Variants in YAE1 observed in about 807,000 individuals in gnomAD.
The protein encoded by YAE1 is protein YAE1 homolog.
Under a neutral mutation model 23.0 loss-of-function variants are expected in YAE1, and 22 were observed. The ratio of observed to expected loss-of-function variants is 0.96; its 90% CI spans 0.68 to 1.37. The LOEUF (loss-of-function observed/expected upper bound fraction) is 1.37, where lower values mean the gene tolerates loss of function less well. YAE1 is among the 40% of genes most tolerant of loss of function. YAE1 has a pLI of 0.00. For missense variants in YAE1, 260 were observed against 262.1 expected, an observed-to-expected ratio of 0.99 and a Z score of 0.06; for synonymous variants, 101 against 97.0, an observed-to-expected ratio of 1.04 and a Z score of -0.24.
chr7:39,572,691 C>A lies in YAE1; in HGVS notation c.666C>A (p.His222Gln). The A allele has an allele frequency of 6.4e-7, 1 of 1,572,382 alleles. No individual in the cohort carries two copies. The highest frequency in any genetic ancestry group is 8.6e-7 in the Non-Finnish European group (1 of 1,164,810). ...QLGLSVDVLQHLKQL is the reference protein window; with the variant it reads ...QLGLSVDVLQQLKQL ...GCCTATCAGTAGATGTATTACAACA[C>A]CTCAAACAACTATAAAATTACCTTC... Residue 222 changes from histidine (H) to glutamine (Q), a missense_variant, in exon 3 of 3, where the codon CAC (histidine) becomes CAA (glutamine). His to Gln is a conservative substitution (Grantham distance 24). Coordinates refer to ENST00000223273, the MANE Select transcript of YAE1 (RefSeq NM_020192.5).
In YAE1 at chr7:39,607,857, C is replaced by T. The variant is rs369375552; in HGVS notation, c.252-1760C>T. Reference sequence around the variant, plus strand: ...CTAATTTTTGTATTTTTAGTAGAGACGGGGTTTTACCATGTTCACCAGGCT... The same window carrying T: ...CTAATTTTTGTATTTTTAGTAGAGATGGGGTTTTACCATGTTCACCAGGCT... On this transcript the variant is annotated intron_variant, in intron 2 of 2. Coordinates refer to the YAE1 transcript ENST00000432096. Among the ~76,000 whole-genome samples, 11 of 152,094 alleles carry T rather than the reference C, an allele frequency of 7.2e-5. No homozygotes were observed. In the East Asian group the frequency reaches 9.7e-4, roughly 13 times the overall value.
chr7:39,598,191 C>T (rs1417815295), intron 2 of YAE1, among the ~76,000 whole-genome samples: 4 of 152,000 alleles, frequency 2.6e-5, no homozygotes, highest in African/African-American at 4.8e-5. Flanking sequence ...CTCACTGCAA[C>T]TTCCGCCTCC....
At chr7:39,609,765 C>G (rs1228792781) in exon 3 of YAE1, 1 of 1,534,244 alleles carries the variant, frequency 6.5e-7, no homozygotes, top group South Asian at 1.2e-5. Context: ...CGAGGCGACG[C>G]TGCTGAGCCT....
rs372945772 is a variant in YAE1 at position 39,585,433 on chromosome 7, G to A, written c.251+14806G>A. 1.3e-3 allele frequency among the ~76,000 whole-genome samples: 197 copies of A among 152,176 alleles called. 1 individual carries two copies. Among genetic ancestry groups the A allele is most frequent in the African/African-American group, 4.4e-3 (183 of 41,516 alleles). ...GCTCATATACGGAGGAAAAAACCAC[G>A]TGAGAACACAGGGAAAGCGGCCATC... is the stretch of plus-strand genomic sequence containing the variant. On this transcript the variant is annotated intron_variant, in intron 2 of 2. Coordinates refer to the YAE1 transcript ENST00000432096.
At chr7:39,575,575 A>AGAGAGAGAGAGAGTGAGT (rs1339594299), downstream of YAE1, among the ~76,000 whole-genome samples, 4 of 81,782 alleles carry the variant, frequency 4.9e-5, no homozygotes, top group African/African-American at 2.9e-4. Context: ...AGAGAGAGAG[A>AGAGAGAGAGAGAGTGAGT]GAGTGAGTGT....
At chr7:39,607,542 C>T (rs1408537526) in intron 2 of YAE1, among the ~76,000 whole-genome samples, 1 of 152,156 alleles carries the variant, frequency 6.6e-6, no homozygotes, top group African/African-American at 2.4e-5. Context: ...CCAGTAAGAT[C>T]CATGTTGGAC....
At chr7:39,567,195 TG>T (rs989505698) in intron 1 of YAE1, among the ~76,000 whole-genome samples, 3 of 152,244 alleles carry the variant, frequency 2.0e-5, no homozygotes, top group Admixed American at 6.5e-5. Context: ...TTAATATATT[TG>T]CCAACCATTA....
At chr7:39,594,573 C>T (rs1790949379) in intron 2 of YAE1, among the ~76,000 whole-genome samples, 1 of 151,814 alleles carries the variant, frequency 6.6e-6, no homozygotes, top group Non-Finnish European at 1.5e-5. Flanking sequence ...TGGTCTGATA[C>T]ATGCTACTCT....
At chr7:39,566,652 C>G in intron 1 of YAE1, 105 bp downstream of exon 1, 1 of 1,493,056 alleles carries the variant, frequency 6.7e-7, no homozygotes, top group South Asian at 1.3e-5. Context: ...GCGCTGCTCT[C>G]TTTATCCCTA....
intron 1 of YAE1, among the ~76,000 whole-genome samples, chr7:39,567,828 A>G (rs1177635061): frequency 6.6e-6 from 1 of 152,186 alleles, no homozygotes; most frequent in Admixed American, 6.5e-5. Flanking sequence ...GGGACATTAC[A>G]GAAATTGTCT....
At chr7:39,596,410 GTATTTT>G (rs1790974730) in intron 2 of YAE1, among the ~76,000 whole-genome samples, 1 of 151,864 alleles carries the variant, frequency 6.6e-6, no homozygotes, top group Non-Finnish European at 1.5e-5. Context: ...GCTAATTTTT[GTATTTT>G]TAGTAGAGAC....
At chr7:39,607,178 G>C (rs1791141655) in intron 2 of YAE1, among the ~76,000 whole-genome samples, 1 of 152,114 alleles carries the variant, frequency 6.6e-6, no homozygotes, top group Admixed American at 6.6e-5. Context: ...GGATTGTCAG[G>C]ATCCTCTCCT....
chr7:39,591,183 T>G (rs958723679), intron 2 of YAE1, among the ~76,000 whole-genome samples: 1 of 152,192 alleles, frequency 6.6e-6, no homozygotes, highest in African/African-American at 2.4e-5. Flanking sequence ...CAGACCGGAT[T>G]AAGGCCCACC....
At chr7:39,603,287 C>T (rs1268872666) in intron 2 of YAE1, among the ~76,000 whole-genome samples, 3 of 152,168 alleles carry the variant, frequency 2.0e-5, no homozygotes, top group African/African-American at 4.8e-5. Flanking sequence ...TACAGGCGCC[C>T]ACCACCACGC....
At chr7:39,608,462 C>T (rs748102248) in intron 2 of YAE1, among the ~76,000 whole-genome samples, 1 of 151,738 alleles carries the variant, frequency 6.6e-6, no homozygotes, top group Admixed American at 6.6e-5. Flanking sequence ...GGATGATTTC[C>T]GGGAAAGAAG....
intron 2 of YAE1, among the ~76,000 whole-genome samples, chr7:39,605,886 A>G (rs1327661588): frequency 2.0e-5 from 3 of 152,126 alleles, no homozygotes; most frequent in Non-Finnish European, 2.9e-5. Flanking sequence ...AATGACTAGA[A>G]TTATGGTTCT....
At chr7:39,593,374 G>A (rs1388412069) in intron 2 of YAE1, among the ~76,000 whole-genome samples, 2 of 151,152 alleles carry the variant, frequency 1.3e-5, no homozygotes, top group African/African-American at 4.9e-5. Context: ...TAGTAGAGAT[G>A]GGGTTTTACC....
At chr7:39,609,655 C>T (rs1164776969) in exon 3 of YAE1, 1 of 1,535,696 alleles carries the variant, frequency 6.5e-7, no homozygotes, top group Non-Finnish European at 8.7e-7. Context: ...TTGAGAGCCC[C>T]GCTGAGGAGT....
intron 2 of YAE1, among the ~76,000 whole-genome samples, chr7:39,593,215 C>T (rs1382136713): frequency 3.1e-5 from 3 of 97,832 alleles, no homozygotes; most frequent in African/African-American, 4.1e-5. Context: ...GACAGAGTCT[C>T]GCTTTGTCAC....
Sources: allele counts gnomAD v4.1 joint callset (sites outside exome capture counted in the v4.1 genomes callset), GRCh38; gene constraint gnomAD v4.1.1; transcripts MANE v1.5; gene names NCBI Gene and HGNC (gene_info 2026-07-23, HGNC 2026-07-21).